RTL4: variants seen among roughly 807,000 people sequenced by gnomAD.
RTL4 encodes the protein retrotransposon Gag like 4, also known as retrotransposon Gag-like protein 4.
Under a neutral mutation model 5.3 loss-of-function variants are expected in RTL4, and 4 were observed. The ratio of observed to expected loss-of-function variants is 0.75; its 90% CI spans 0.37 to 1.72. RTL4 has a LOEUF of 1.72. Ranked by LOEUF, RTL4 falls within the 40% of genes most tolerant of loss-of-function variation. RTL4 has a pLI of 0.04. For synonymous variants in RTL4, 98 were observed against 87.3 expected (o/e 1.12, Z -0.68); for missense variants, 260 against 227.1 (o/e 1.14, Z -0.93).
chrX:112,140,134 T>C, the RTL4 span, among the ~76,000 whole-genome samples: 1 of 112,277 alleles, frequency 8.9e-6, no homozygotes, highest in East Asian at 2.8e-4. Context: ...TTTTGGCCAT[T>C]GAAAGCTTTT....
At chrX:112,302,889 G>A in the RTL4 span, among the ~76,000 whole-genome samples, 52 of 112,246 alleles carry the variant, frequency 4.6e-4, no homozygotes, top group Admixed American at 4.7e-3. Flanking sequence ...TTACAAAAAT[G>A]TTTTCCCAAA....
chrX:112,143,313 AT>A, the RTL4 span, among the ~76,000 whole-genome samples: 7 of 110,385 alleles, frequency 6.3e-5, no homozygotes, highest in Admixed American at 2.9e-4. Context: ...GAACTTAGGC[AT>A]TTTTTTTCAT....
At chrX:112,185,712 A>G in the RTL4 span, among the ~76,000 whole-genome samples, 1 of 108,164 alleles carries the variant, frequency 9.2e-6, no homozygotes, top group Admixed American at 1.0e-4. Flanking sequence ...GGCTTTCTCT[A>G]TTTATTAATT....
At chrX:112,088,048 G>A in the RTL4 span, among the ~76,000 whole-genome samples, 4 of 103,527 alleles carry the variant, frequency 3.9e-5, no homozygotes, top group Admixed American at 3.2e-4. Flanking sequence ...ACAGGGCCTC[G>A]CTATATTGTC....
At chrX:112,444,568 C>T in the RTL4 span, among the ~76,000 whole-genome samples, 2 of 111,659 alleles carry the variant, frequency 1.8e-5, no homozygotes, top group Non-Finnish European at 3.8e-5. Flanking sequence ...ATCCTCCTTT[C>T]TTTTCTGGAA....
chrX:112,253,874 C>G, the RTL4 span, among the ~76,000 whole-genome samples: 8 of 111,705 alleles, frequency 7.2e-5, no homozygotes, highest in Admixed American at 9.5e-5. Flanking sequence ...AAATTCTTGG[C>G]CTGTTACACC....
At chrX:112,456,281 T>A (rs145670125) in exon 1 of RTL4, 5,656 of 306,976 alleles carry the variant, frequency 0.018, 44 homozygotes, top group Non-Finnish European at 0.024. Flanking sequence ...TTTGTTTCCA[T>A]CTAAAGACTC....
the RTL4 span, among the ~76,000 whole-genome samples, chrX:112,188,918 G>T: frequency 9.0e-6 from 1 of 110,868 alleles, no homozygotes; most frequent in Non-Finnish European, 1.9e-5. Flanking sequence ...CTTACCCATG[G>T]TCACACAGCC....
chrX:112,157,064 TTG>T, the RTL4 span, among the ~76,000 whole-genome samples: 15,030 of 96,089 alleles, frequency 0.16, 967 homozygotes, highest in Non-Finnish European at 0.18. Context: ...GTTATACTGT[TTG>T]TGTGTGTGTG....
the RTL4 span, among the ~76,000 whole-genome samples, chrX:112,377,971 T>C: frequency 8.9e-6 from 1 of 111,759 alleles, no homozygotes; most frequent in Non-Finnish European, 1.9e-5. Flanking sequence ...GATCTTGTCA[T>C]ATAGCCAGAA....
the RTL4 span, among the ~76,000 whole-genome samples, chrX:112,250,148 T>G: frequency 9.1e-6 from 1 of 109,859 alleles, no homozygotes; most frequent in Non-Finnish European, 1.9e-5. Flanking sequence ...GCGTGGTGGC[T>G]GGCGCCTGTA....
chrX:112,277,799 G>A, the RTL4 span, among the ~76,000 whole-genome samples: 1 of 112,029 alleles, frequency 8.9e-6, no homozygotes, highest in African/African-American at 3.2e-5. Flanking sequence ...ACTGTGGAAT[G>A]CCATAAACAG....
the RTL4 span, among the ~76,000 whole-genome samples, chrX:112,229,325 A>T: frequency 8.9e-6 from 1 of 112,003 alleles, no homozygotes; most frequent in African/African-American, 3.3e-5. Flanking sequence ...TATCTTTTAA[A>T]TCCTCCCAAC....
chrX:112,421,863 C>A, the RTL4 span, among the ~76,000 whole-genome samples: 1 of 112,451 alleles, frequency 8.9e-6, no homozygotes, highest in Non-Finnish European at 1.9e-5. Context: ...TACGTGTTAT[C>A]CACAACAGTG....
the RTL4 span, among the ~76,000 whole-genome samples, chrX:112,297,505 C>T: frequency 1.8e-5 from 2 of 111,020 alleles, no homozygotes; most frequent in Admixed American, 9.6e-5. Context: ...AACTCTATTA[C>T]GAGACGGCAC....
the RTL4 span, among the ~76,000 whole-genome samples, chrX:112,216,765 G>A: frequency 8.9e-6 from 1 of 111,959 alleles, no homozygotes; most frequent in Non-Finnish European, 1.9e-5. Flanking sequence ...TTAGTACAGA[G>A]GAAGTAAGAA....
the RTL4 span, among the ~76,000 whole-genome samples, chrX:112,198,107 C>T: frequency 9.0e-6 from 1 of 111,522 alleles, no homozygotes; most frequent in Non-Finnish European, 1.9e-5. Context: ...GATAATGGAG[C>T]ACTAAAGAAA....
At chrX:112,370,676 C>T in the RTL4 span, among the ~76,000 whole-genome samples, 2 of 110,888 alleles carry the variant, frequency 1.8e-5, no homozygotes, top group African/African-American at 6.6e-5. Context: ...GCTTATTGTT[C>T]GCACGCTGAA....
chrX:112,270,545 AAG>A, the RTL4 span, among the ~76,000 whole-genome samples: 1 of 111,729 alleles, frequency 9.0e-6, no homozygotes, highest in South Asian at 3.8e-4. Flanking sequence ...TGTTAAGAAA[AAG>A]AGAGGATGTG....
Sources: allele counts gnomAD v4.1 joint callset (sites outside exome capture counted in the v4.1 genomes callset), GRCh38; gene constraint gnomAD v4.1.1; transcripts MANE v1.5; gene names NCBI Gene and HGNC (gene_info 2026-07-23, HGNC 2026-07-21).